BICC1: variants seen among roughly 807,000 people sequenced by gnomAD.
BICC1 encodes BicC family RNA binding protein 1.
In BICC1, 43 loss-of-function variants were observed where a neutral mutation model predicts 111.0. The ratio of observed to expected loss-of-function variants is 0.39; its 90% CI spans 0.30 to 0.50. The LOEUF is 0.50. Among genes scored for constraint, BICC1 ranks in the 20% least tolerant of loss-of-function variants. The pLI, the probability that BICC1 is intolerant of heterozygous loss-of-function variation, is 0.88. For missense variants in BICC1, 1,091 were observed against 1,203.2 expected, an observed-to-expected ratio of 0.91 and a Z score of 1.38; for synonymous variants, 467 against 434.4, an observed-to-expected ratio of 1.07 and a Z score of -0.93.
chr10:58,599,687 C>G (rs964111566), intron 1 of BICC1, among the ~76,000 whole-genome samples: 2 of 152,148 alleles, frequency 1.3e-5, no homozygotes, highest in East Asian at 1.9e-4. Flanking sequence ...TTTACTTGTC[C>G]TCTTTCTCTC....
chr10:58,641,966 A>C (rs890158674), intron 2 of BICC1, among the ~76,000 whole-genome samples: 49 of 152,192 alleles, frequency 3.2e-4, no homozygotes, highest in African/African-American at 1.2e-3. Flanking sequence ...TTTTCAGAGA[A>C]AATAATTTAA....
chr10:58,553,435 A>G (rs1162208767), intron 1 of BICC1, among the ~76,000 whole-genome samples: 3 of 152,140 alleles, frequency 2.0e-5, no homozygotes, highest in African/African-American at 7.2e-5. Flanking sequence ...GAAGCTCCAA[A>G]AGTCAAGGAG....
rs1314804395 is a variant in BICC1 at position 58,828,743 on chromosome 10, C to T, written c.2795-18C>T. The T allele has an allele frequency of 3.7e-6, 6 of 1,611,284 alleles. No homozygotes were observed. The highest frequency in any genetic ancestry group is 5.1e-6 in the Non-Finnish European group (6 of 1,178,434). Reference sequence around the variant, plus strand: ...AACTTCTCTTGAGCTCCTAACAATTCTCTCTTTCTCTCTCTAGAACTAAAT... The same window carrying T: ...AACTTCTCTTGAGCTCCTAACAATTTTCTCTTTCTCTCTCTAGAACTAAAT... On this transcript the variant is annotated intron_variant, in intron 20 of 20. Transcript: ENST00000373886.
At chr10:58,541,247 A>G (rs540613077) in intron 1 of BICC1, among the ~76,000 whole-genome samples, 13 of 152,230 alleles carry the variant, frequency 8.5e-5, no homozygotes, top group African/African-American at 3.1e-4. Context: ...ATAGGAAAGG[A>G]ATAAATATAA....
At position 58,731,161 on chromosome 10, in the gene BICC1, G is replaced by A. The variant is rs541185791; in HGVS notation, c.307+29018G>A. Among the ~76,000 whole-genome samples, 50 of 152,278 alleles carry A rather than the reference G, an allele frequency of 3.3e-4. 2 individuals are homozygous for A. In the South Asian group the frequency reaches 0.01, roughly 31 times the overall value. ...AGATACTCTAAATCATCTCTCACAAGTTTAAAGTTCCACAGATCCCTAGAG... is the reference window on the plus strand; with the variant it reads ...AGATACTCTAAATCATCTCTCACAAATTTAAAGTTCCACAGATCCCTAGAG... On this transcript the variant is annotated intron_variant, in intron 3 of 20. Coordinates refer to ENST00000373886, the MANE Select transcript of BICC1 (RefSeq NM_001080512.3).
intron 18 of BICC1, among the ~76,000 whole-genome samples, chr10:58,815,395 A>G (rs1221002173): frequency 6.6e-6 from 1 of 152,206 alleles, no homozygotes; most frequent in Admixed American, 6.5e-5. Context: ...CACTGACAGT[A>G]TGATCAAGAT....
intron 1 of BICC1, among the ~76,000 whole-genome samples, chr10:58,592,401 C>A (rs533378203): frequency 1.3e-5 from 2 of 152,060 alleles, no homozygotes; most frequent in South Asian, 4.2e-4. Flanking sequence ...CTCTATAAAC[C>A]CTTCAAATAA....
At chr10:58,586,926 C>T (rs550210346) in intron 1 of BICC1, among the ~76,000 whole-genome samples, 2 of 152,216 alleles carry the variant, frequency 1.3e-5, no homozygotes, top group South Asian at 2.1e-4. Flanking sequence ...TCTCTGGCCT[C>T]GTTTGCCCAT....
chr10:58,586,544 C>T (rs534000855), intron 1 of BICC1, among the ~76,000 whole-genome samples: 3 of 147,128 alleles, frequency 2.0e-5, no homozygotes, highest in East Asian at 2.1e-4. Context: ...GGCGGGGGGG[C>T]GCGGAGGTTG....
intron 1 of BICC1, among the ~76,000 whole-genome samples, chr10:58,577,251 G>A (rs1691271879): frequency 6.6e-6 from 1 of 152,190 alleles, no homozygotes; most frequent in Admixed American, 6.5e-5. Flanking sequence ...AGTGGAATGA[G>A]AGAACAATGA....
At chr10:58,717,355 A>AT (rs1256275616) in intron 3 of BICC1, among the ~76,000 whole-genome samples, 2 of 5,678 alleles carry the variant, frequency 3.5e-4, no homozygotes, top group African/African-American at 5.8e-4. Context: ...CAGGGTTTTG[A>AT]TTAAAAAAAA....
chr10:58,783,620 GA>G (rs1279376986), intron 3 of BICC1, among the ~76,000 whole-genome samples: 1 of 151,828 alleles, frequency 6.6e-6, no homozygotes, highest in African/African-American at 2.4e-5. Context: ...TGAAAGGTGT[GA>G]AAGGTGTGAA....
intron 3 of BICC1, among the ~76,000 whole-genome samples, chr10:58,773,273 G>T (rs1842666392): frequency 6.6e-6 from 1 of 152,146 alleles, no homozygotes; most frequent in Non-Finnish European, 1.5e-5. Flanking sequence ...GGAGAAAGGA[G>T]ACCAACACAA....
At chr10:58,578,708 G>C (rs1311322834) in intron 1 of BICC1, among the ~76,000 whole-genome samples, 1 of 152,102 alleles carries the variant, frequency 6.6e-6, no homozygotes, top group Non-Finnish European at 1.5e-5. Context: ...GCATAATTGC[G>C]AGAGAGGCAC....
intron 2 of BICC1, among the ~76,000 whole-genome samples, chr10:58,636,188 G>T (rs972374013): frequency 6.6e-6 from 1 of 152,116 alleles, no homozygotes; most frequent in African/African-American, 2.4e-5. Flanking sequence ...TTTAGCAAGT[G>T]TACAAAGGAG....
intron 16 of BICC1, 72 bp from the exon 17 acceptor site, chr10:58,806,932 C>G: frequency 7.4e-7 from 1 of 1,352,450 alleles, no homozygotes; most frequent in South Asian, 1.5e-5. Context: ...AAAGAAACGA[C>G]ACTTATCATC....
At chr10:58,710,858 C>G (rs1412050319) in intron 3 of BICC1, among the ~76,000 whole-genome samples, 14 of 151,874 alleles carry the variant, frequency 9.2e-5, no homozygotes, top group Admixed American at 9.2e-4. Flanking sequence ...TGTTGTTGTT[C>G]TTGTTTTTGA....
chr10:58,726,528 C>G (rs540512063), intron 3 of BICC1, among the ~76,000 whole-genome samples: 12 of 152,230 alleles, frequency 7.9e-5, no homozygotes, highest in South Asian at 4.1e-4. Context: ...AGAATAGGAC[C>G]CTGGCACTGC....
intron 1 of BICC1, among the ~76,000 whole-genome samples, chr10:58,564,604 T>C (rs533219218): frequency 3.3e-5 from 5 of 152,304 alleles, no homozygotes; most frequent in African/African-American, 1.2e-4. Flanking sequence ...ACCTGTTCAA[T>C]TGCCCCTTGT....
Sources: allele counts gnomAD v4.1 joint callset (sites outside exome capture counted in the v4.1 genomes callset), GRCh38; gene constraint gnomAD v4.1.1; transcripts MANE v1.5; gene names NCBI Gene and HGNC (gene_info 2026-07-23, HGNC 2026-07-21).